The following OPCML variants were observed in gnomAD, a reference collection of about 807,000 sequenced individuals.
OPCML encodes opioid-binding protein/cell adhesion molecule.
In OPCML, 13 loss-of-function variants were observed where a neutral mutation model predicts 37.8. The observed-to-expected ratio is 0.34, with a 90% CI of 0.22 to 0.55. The LOEUF is 0.55. OPCML is among the 20% of genes least tolerant of loss of function. The pLI is 0.91. For missense variants in OPCML, 341 were observed against 435.6 expected (o/e 0.78, Z 1.93); for synonymous variants, 176 against 168.8 (o/e 1.04, Z -0.33).
intron 2 of OPCML, among the ~76,000 whole-genome samples, chr11:132,791,862 C>T (rs1937935816): frequency 1.3e-5 from 2 of 152,182 alleles, no homozygotes; most frequent in African/African-American, 4.8e-5. Flanking sequence ...CAGGCCCTCT[C>T]TCCTGTTGGA....
Position 132,878,135 on chromosome 11 carries a change from T to A in OPCML, c.146+64791A>T, listed in dbSNP as rs141045856. 1.6e-4 allele frequency among the ~76,000 whole-genome samples: 24 copies of A among 151,668 alleles called. No homozygotes were observed. The East Asian group carries it at 4.7e-3, about 29-fold the overall frequency. ...AGGCGGAGATTGCAGTGAGCAGAGA[T>A]CGCACTACTGTACTCCAGCCTGGGC... On this transcript the variant is annotated intron_variant, in intron 2 of 7. Coordinates refer to ENST00000524381, the MANE Select transcript of OPCML (RefSeq NM_001012393.5).
intron 2 of OPCML, among the ~76,000 whole-genome samples, chr11:132,723,887 G>T (rs942927452): frequency 1.3e-5 from 2 of 152,204 alleles, no homozygotes; most frequent in Non-Finnish European, 2.9e-5. Flanking sequence ...TAGAGAGAAG[G>T]GGGTGGAAAA....
chr11:133,269,340 A>G (rs775972177), intron 1 of OPCML, among the ~76,000 whole-genome samples: 8 of 152,210 alleles, frequency 5.3e-5, no homozygotes, highest in Non-Finnish European at 1.0e-4. Context: ...AAGCAGGTGT[A>G]TATGACTGAA....
chr11:132,757,340 G>C (rs1311040058), intron 2 of OPCML, among the ~76,000 whole-genome samples: 5 of 152,156 alleles, frequency 3.3e-5, no homozygotes, highest in Non-Finnish European at 7.3e-5. Flanking sequence ...TGGGTCAAAT[G>C]GTACTTCTGG....
At chr11:133,194,273 C>T (rs1026274227) in intron 1 of OPCML, among the ~76,000 whole-genome samples, 1 of 141,508 alleles carries the variant, frequency 7.1e-6, no homozygotes, top group Non-Finnish European at 1.5e-5. Context: ...GCAATAGGTG[C>T]AATCTCGGCT....
intron 1 of OPCML, among the ~76,000 whole-genome samples, chr11:133,154,301 G>A (rs529135060): frequency 6.6e-6 from 1 of 151,938 alleles, no homozygotes; most frequent in African/African-American, 2.4e-5. Context: ...CAAAATGAGG[G>A]TTCTGATAAA....
chr11:133,353,387 T>C (rs1271836211), intron 1 of OPCML, among the ~76,000 whole-genome samples: 2 of 152,172 alleles, frequency 1.3e-5, no homozygotes, highest in East Asian at 1.9e-4. Flanking sequence ...CTTAAACTCC[T>C]GACCTCAGGT....
chr11:132,743,117 A>G (rs1945489863), intron 2 of OPCML, among the ~76,000 whole-genome samples: 1 of 152,138 alleles, frequency 6.6e-6, no homozygotes. Context: ...GGTGCATGAC[A>G]ACGTCATGCT....
At chr11:133,411,362 T>C (rs917197417) in intron 1 of OPCML, among the ~76,000 whole-genome samples, 1 of 152,182 alleles carries the variant, frequency 6.6e-6, no homozygotes. Context: ...ACTCCTCCTT[T>C]CCTTTGAAAA....
At chr11:133,141,777 C>G (rs1267760866) in intron 1 of OPCML, among the ~76,000 whole-genome samples, 1 of 152,158 alleles carries the variant, frequency 6.6e-6, no homozygotes, top group African/African-American at 2.4e-5. Context: ...CCCTAATTTC[C>G]TTAACAATAC....
intron 1 of OPCML, among the ~76,000 whole-genome samples, chr11:133,470,692 C>T (rs1173351248): frequency 6.6e-6 from 1 of 152,216 alleles, no homozygotes; most frequent in Non-Finnish European, 1.5e-5. Flanking sequence ...CTTTCTATTG[C>T]ACTTTGTGCT....
intron 2 of OPCML, among the ~76,000 whole-genome samples, chr11:132,861,234 G>A (rs1349335439): frequency 6.6e-6 from 1 of 152,156 alleles, no homozygotes; most frequent in African/African-American, 2.4e-5. Flanking sequence ...TGAGGAAATG[G>A]GGTATAATAT....
chr11:132,999,652 G>A (rs1158849580), intron 1 of OPCML, among the ~76,000 whole-genome samples: 3 of 152,032 alleles, frequency 2.0e-5, no homozygotes, highest in African/African-American at 4.8e-5. Context: ...GTGCTGCCAC[G>A]AGCGTGCCTG....
intron 1 of OPCML, among the ~76,000 whole-genome samples, chr11:133,141,086 AAGAAGAAGG>A (rs1235910467): frequency 3.8e-5 from 5 of 132,462 alleles, no homozygotes; most frequent in African/African-American, 1.1e-4. Context: ...GAAGAAGAAG[AAGAAGAAGG>A]AGAAGAAGAA....
chr11:133,234,182 T>C (rs1410667838), intron 1 of OPCML, among the ~76,000 whole-genome samples: 3 of 151,958 alleles, frequency 2.0e-5, no homozygotes, highest in Non-Finnish European at 2.9e-5. Context: ...CAAATCCTAC[T>C]CTTCCAGATC....
chr11:132,745,604 GA>G (rs896705065), intron 2 of OPCML, among the ~76,000 whole-genome samples: 2 of 140,246 alleles, frequency 1.4e-5, no homozygotes, highest in Admixed American at 7.0e-5. Flanking sequence ...AAGAAAGAAA[GA>G]AAAAAAAAGG....
chr11:133,093,584 G>A (rs1948947768), intron 1 of OPCML, among the ~76,000 whole-genome samples: 1 of 152,150 alleles, frequency 6.6e-6, no homozygotes, highest in Non-Finnish European at 1.5e-5. Context: ...CTCAGAAAAT[G>A]GGGCCTAAAT....
At chr11:133,399,753 C>A (rs6590694) in intron 1 of OPCML, among the ~76,000 whole-genome samples, 1 of 151,776 alleles carries the variant, frequency 6.6e-6, no homozygotes, top group Admixed American at 6.6e-5. Flanking sequence ...CCAGACACAG[C>A]CTCATGCTAC....
chr11:133,366,942 C>A (rs1944553693), intron 1 of OPCML, among the ~76,000 whole-genome samples: 1 of 152,158 alleles, frequency 6.6e-6, no homozygotes, highest in Non-Finnish European at 1.5e-5. Context: ...CCCCTTCACT[C>A]ACCCCTCATG....
Sources: gnomAD v4.1 joint callset for allele counts (sites outside exome capture counted in the v4.1 genomes callset) on GRCh38, gnomAD v4.1.1 for gene constraint, MANE v1.5 for transcripts, NCBI Gene and HGNC (gene_info 2026-07-23, HGNC 2026-07-21) for gene names.